LRMDA: variants seen among roughly 807,000 people sequenced by gnomAD.
LRMDA encodes leucine-rich melanocyte differentiation-associated protein.
In LRMDA, 18 loss-of-function variants were observed where a neutral mutation model predicts 29.8. The ratio of observed to expected loss-of-function variants is 0.60; its 90% CI spans 0.42 to 0.90. LRMDA has a LOEUF of 0.90. Ranked by LOEUF, LRMDA falls within the 40% of genes least tolerant of loss-of-function variation. The pLI, the probability that LRMDA is intolerant of heterozygous loss-of-function variation, is 0.00. For synonymous variants in LRMDA, 125 were observed against 109.4 expected, an observed-to-expected ratio of 1.14 and a Z score of -0.89; for missense variants, 273 against 273.9, an observed-to-expected ratio of 1.00 and a Z score of 0.02.
Position 75,471,342 on chromosome 10 carries a change from G to C in LRMDA, c.131+32848G>C, listed in dbSNP as rs186184562. Reference sequence around the variant, plus strand: ...GTTGAAAACCATAATTCTACCCAAAGAGCCGTGTCTCACCCTGCATACATT... The same window carrying C: ...GTTGAAAACCATAATTCTACCCAAACAGCCGTGTCTCACCCTGCATACATT... On this transcript the variant is annotated intron_variant, in intron 2 of 6. Coordinates refer to ENST00000611255, the MANE Select transcript of LRMDA (RefSeq NM_001305581.2). 9.7e-3 allele frequency among the ~76,000 whole-genome samples: 1,471 copies of C among 151,452 alleles called. 12 individuals are homozygous for C. Among genetic ancestry groups the C allele is most frequent in the South Asian group, 0.018 (85 of 4,768 alleles).
intron 2 of LRMDA, among the ~76,000 whole-genome samples, chr10:75,780,597 C>T (rs1843369472): frequency 6.6e-6 from 1 of 152,090 alleles, no homozygotes; most frequent in African/African-American, 2.4e-5. Context: ...CATAGAAATG[C>T]AAGAGGAGGG....
At chr10:75,759,197 TA>T (rs1199613054) in intron 2 of LRMDA, among the ~76,000 whole-genome samples, 1 of 152,232 alleles carries the variant, frequency 6.6e-6, no homozygotes, top group Non-Finnish European at 1.5e-5. Context: ...ACTATGTAGT[TA>T]AACAGGAAAT....
intron 2 of LRMDA, among the ~76,000 whole-genome samples, chr10:75,758,105 G>A (rs1843054332): frequency 6.6e-6 from 1 of 152,154 alleles, no homozygotes; most frequent in African/African-American, 2.4e-5. Flanking sequence ...CAGCCAGCAG[G>A]GAATTTTCTT....
At chr10:76,308,826 G>GT (rs1202998475) in intron 5 of LRMDA, among the ~76,000 whole-genome samples, 2 of 152,206 alleles carry the variant, frequency 1.3e-5, no homozygotes, top group Non-Finnish European at 2.9e-5. Context: ...TGACATATAT[G>GT]TTGGGAGTTA....
chr10:76,004,511 C>G (rs1186405395), intron 2 of LRMDA, among the ~76,000 whole-genome samples: 1 of 152,140 alleles, frequency 6.6e-6, no homozygotes, highest in Non-Finnish European at 1.5e-5. Context: ...TTCAGAAAGA[C>G]CTGGGGAAAC....
chr10:76,414,377 G>T (rs193023925), intron 6 of LRMDA, among the ~76,000 whole-genome samples: 49 of 152,182 alleles, frequency 3.2e-4, no homozygotes, highest in Non-Finnish European at 5.9e-4. Context: ...AAATTATGAA[G>T]TTATGGTGCT....
chr10:76,225,128 C>T (rs914235846), intron 5 of LRMDA, among the ~76,000 whole-genome samples: 4 of 151,946 alleles, frequency 2.6e-5, no homozygotes, highest in Admixed American at 1.3e-4. Context: ...ATCCCCAGGC[C>T]GGGCACAGTG....
At position 75,809,670 on chromosome 10, in the gene LRMDA, A is replaced by G. The variant is rs116693189; in HGVS notation, c.132-226338A>G. On this transcript the variant is annotated intron_variant, in intron 2 of 6. Transcript: ENST00000611255. ...AAAACAAAAACAAAAAAAGACAGAC[A>G]TGGACCCTGGATTCATGGCACTTCA... Among the ~76,000 whole-genome samples, 360 of 152,128 alleles carry G rather than the reference A, an allele frequency of 2.4e-3. 1 individual carries two copies. The highest frequency in any genetic ancestry group is 8.3e-3 in the African/African-American group (345 of 41,500).
At chr10:75,855,095 G>T (rs973645823) in intron 2 of LRMDA, among the ~76,000 whole-genome samples, 1 of 152,156 alleles carries the variant, frequency 6.6e-6, no homozygotes, top group Non-Finnish European at 1.5e-5. Flanking sequence ...TAATGGGATG[G>T]CTGGGTCAAA....
At chr10:75,792,776 A>T (rs1035828623) in intron 2 of LRMDA, among the ~76,000 whole-genome samples, 2 of 152,222 alleles carry the variant, frequency 1.3e-5, no homozygotes, top group Non-Finnish European at 2.9e-5. Context: ...ACAAAAGAAA[A>T]AATAGTAATA....
chr10:75,720,299 C>T (rs1282928074), intron 2 of LRMDA, among the ~76,000 whole-genome samples: 2 of 152,138 alleles, frequency 1.3e-5, no homozygotes, highest in Non-Finnish European at 2.9e-5. Flanking sequence ...AGAGAACACA[C>T]GGGCAGGAGA....
intron 5 of LRMDA, among the ~76,000 whole-genome samples, chr10:76,247,194 G>A (rs1208461130): frequency 6.6e-6 from 1 of 152,150 alleles, no homozygotes; most frequent in African/African-American, 2.4e-5. Context: ...TTAAATAGAT[G>A]ACTGTTTATG....
intron 5 of LRMDA, among the ~76,000 whole-genome samples, chr10:76,148,152 AGTCT>A (rs1400241494): frequency 1.3e-5 from 2 of 152,194 alleles, no homozygotes; most frequent in African/African-American, 4.8e-5. Flanking sequence ...TTGAGGAGGC[AGTCT>A]GTCTGTTCTC....
rs537787513 is a variant in LRMDA, at chr10:76,133,363, A to T, written c.516+74580A>T. Among the ~76,000 whole-genome samples, 114 of 152,192 alleles carry T rather than the reference A, an allele frequency of 7.5e-4. 1 individual carries two copies. The highest frequency in any genetic ancestry group is 2.7e-3 in the African/African-American group (112 of 41,530). On this transcript the variant is annotated intron_variant, in intron 5 of 6. Coordinates refer to ENST00000611255, the MANE Select transcript of LRMDA (RefSeq NM_001305581.2). ...CTGCCAACCTGACCTGTTGACAGAT[A>T]ATTGCTTGACAGCCTGGCCTTTGAT... is the stretch of plus-strand genomic sequence containing the variant.
intron 2 of LRMDA, among the ~76,000 whole-genome samples, chr10:75,593,285 G>C (rs935915700): frequency 6.6e-6 from 1 of 152,164 alleles, no homozygotes; most frequent in African/African-American, 2.4e-5. Flanking sequence ...TCCAACTCAT[G>C]CTGCTCCGAA....
In LRMDA at chr10:76,559,580, TAG is replaced by T. The variant is rs1343497816; in HGVS notation, c.*2295_*2296del. 1.3e-5 allele frequency: 2 copies of T among 152,254 alleles called. No homozygotes were observed. The highest frequency in any genetic ancestry group is 4.8e-5 in the African/African-American group (2 of 41,456). The allele number at this position is 152,254 out of a possible 1,614,324, so 9.4% of individuals were successfully genotyped here. ...GTGTGTTAACCAAAATTTGCTGTGC[TAG>T]AGCTAGACTTTGGTCTGAATTGGCA... On this transcript the variant is annotated 3_prime_UTR_variant, in exon 7 of 7. Coordinates refer to ENST00000611255, the MANE Select transcript of LRMDA (RefSeq NM_001305581.2).
At chr10:76,237,825 TC>T (rs1337833867) in intron 5 of LRMDA, among the ~76,000 whole-genome samples, 1 of 141,948 alleles carries the variant, frequency 7.0e-6, no homozygotes, top group Non-Finnish European at 1.5e-5. Flanking sequence ...GGAGTCTTGC[TC>T]TGTTGCCCAG....
At chr10:76,122,717 T>A (rs887319701) in intron 5 of LRMDA, among the ~76,000 whole-genome samples, 1 of 152,182 alleles carries the variant, frequency 6.6e-6, no homozygotes, top group Non-Finnish European at 1.5e-5. Flanking sequence ...CCTACTTACC[T>A]ACAAAATGAG....
chr10:76,543,060 C>T (rs1421953880), intron 6 of LRMDA, among the ~76,000 whole-genome samples: 16 of 152,036 alleles, frequency 1.1e-4, no homozygotes, highest in Admixed American at 9.8e-4. Flanking sequence ...TCTCCATGCT[C>T]GGGAACACTC....
Sources: allele counts gnomAD v4.1 joint callset (sites outside exome capture counted in the v4.1 genomes callset), GRCh38; gene constraint gnomAD v4.1.1; transcripts MANE v1.5; gene names NCBI Gene and HGNC (gene_info 2026-07-23, HGNC 2026-07-21).